MTA3: variants seen among roughly 807,000 people sequenced by gnomAD.
MTA3 encodes the protein metastasis-associated protein MTA3.
A neutral mutation model predicts 83.5 loss-of-function variants in MTA3; 34 were observed. That is an observed-to-expected ratio of 0.41 (90% CI 0.31 to 0.54). MTA3 has a LOEUF of 0.54. MTA3 is among the 20% of genes least tolerant of loss of function. The pLI is 0.33. For missense variants in MTA3, 761 were observed against 726.4 expected, an observed-to-expected ratio of 1.05 and a Z score of -0.55; for synonymous variants, 303 against 252.7, an observed-to-expected ratio of 1.20 and a Z score of -1.89.
At chr2:42,736,649 C>G (rs1214043396) in intron 16 of MTA3, among the ~76,000 whole-genome samples, 1 of 152,020 alleles carries the variant, frequency 6.6e-6, no homozygotes, top group Admixed American at 6.6e-5. Context: ...AGTTGTAAGA[C>G]AAAGTCTTCT....
chr2:42,611,842 T>A (rs1198432721), intron 4 of MTA3, among the ~76,000 whole-genome samples: 1 of 152,138 alleles, frequency 6.6e-6, no homozygotes, highest in Non-Finnish European at 1.5e-5. Context: ...GTGAGATAGA[T>A]AAATAGATAG....
intron 2 of MTA3, among the ~76,000 whole-genome samples, chr2:42,506,832 C>T (rs560056853): frequency 4.6e-5 from 7 of 152,006 alleles, no homozygotes; most frequent in Admixed American, 3.3e-4. Flanking sequence ...GTCTCAAACT[C>T]CTGACCTCAG....
At chr2:42,721,534 G>A (rs1667408225) in intron 15 of MTA3, among the ~76,000 whole-genome samples, 1 of 151,926 alleles carries the variant, frequency 6.6e-6, no homozygotes, top group African/African-American at 2.4e-5. Flanking sequence ...TCACCATGTT[G>A]CTCAGGCTGG....
chr2:42,746,572 G>A (rs543768918), intron 16 of MTA3, among the ~76,000 whole-genome samples: 2 of 152,168 alleles, frequency 1.3e-5, no homozygotes, highest in South Asian at 2.1e-4. Context: ...CCGACTTCCA[G>A]TGGCATTCAC....
rs1028680742 is a variant in MTA3 at position 42,629,390 on chromosome 2, C to CT, written c.318-10776dup. ...CACCGTGCCCAGCGGATAGAGCAGT[C>CT]TTTTTTTGTTTTCAGGACCACAGAA... On this transcript the variant is annotated intron_variant, in intron 4 of 16. Transcript: ENST00000405094. 4.1e-3 allele frequency among the ~76,000 whole-genome samples: 616 copies of CT among 152,082 alleles called. 2 individuals are homozygous for CT. Among genetic ancestry groups the CT allele is most frequent in the African/African-American group, 0.013 (549 of 41,486 alleles).
In MTA3 at chr2:42,754,687, C is replaced by G; in HGVS notation, c.*1288C>G. ...CTGGAGTCTGATCTCCCAGCCATCT[C>G]TGGGGTTACTAGGAGGCAGCTGGAT... On this transcript the variant is annotated 3_prime_UTR_variant, in exon 17 of 17. Coordinates refer to ENST00000405094, the MANE Select transcript of MTA3 (RefSeq NM_001330442.2). 1.0e-6 allele frequency: 1 copy of G among 985,522 alleles called. No homozygotes were observed. Among genetic ancestry groups the G allele is most frequent in the South Asian group, 4.7e-5 (1 of 21,284 alleles). 61.0% of individuals were successfully genotyped at this position (985,522 alleles called of 1,614,324 possible). A position where few individuals can be genotyped will look rare whatever the true frequency, so the allele number is the denominator to read the frequency against.
chr2:42,526,200 CTTATAGCTGG>C (rs776771249), intron 2 of MTA3, among the ~76,000 whole-genome samples: 11 of 152,002 alleles, frequency 7.2e-5, no homozygotes, highest in Non-Finnish European at 7.4e-5. Flanking sequence ...GCTGCCTTCC[CTTATAGCTGG>C]TTGTTTGCCC....
At chr2:42,709,406 G>A (rs1452622741) in intron 14 of MTA3, 2 of 829,336 alleles carry the variant, frequency 2.4e-6, no homozygotes, top group Admixed American at 8.9e-5. Flanking sequence ...AGCCCTTATT[G>A]AAGCACTTTT....
intron 4 of MTA3, among the ~76,000 whole-genome samples, chr2:42,637,055 G>T (rs984181244): frequency 2.6e-5 from 4 of 152,206 alleles, no homozygotes; most frequent in African/African-American, 9.6e-5. Flanking sequence ...CAGATTCCAG[G>T]CTGATCAGCG....
intron 2 of MTA3, among the ~76,000 whole-genome samples, chr2:42,562,663 C>A (rs868171466): frequency 1.3e-5 from 2 of 152,312 alleles, no homozygotes; most frequent in Middle Eastern, 3.4e-3. Context: ...AAACCTGTTT[C>A]CACCCAACCT....
intron 14 of MTA3, among the ~76,000 whole-genome samples, chr2:42,713,795 G>A (rs1573729246): frequency 6.6e-6 from 1 of 151,974 alleles, no homozygotes; most frequent in Admixed American, 6.6e-5. Context: ...CTATTTTGTT[G>A]TACCATAACT....
intron 6 of MTA3, among the ~76,000 whole-genome samples, chr2:42,651,348 T>C (rs1314805517): frequency 6.6e-6 from 1 of 152,210 alleles, no homozygotes; most frequent in Non-Finnish European, 1.5e-5. Context: ...AAAATTATCT[T>C]CAGTAATAAA....
intron 14 of MTA3, among the ~76,000 whole-genome samples, chr2:42,713,166 A>G (rs1192449194): frequency 1.3e-5 from 2 of 152,216 alleles, no homozygotes; most frequent in Non-Finnish European, 2.9e-5. Context: ...GAGAGAGTGA[A>G]GTGGTTTGGG....
chr2:42,650,008 TGAGA>T (rs1195674624), intron 6 of MTA3, among the ~76,000 whole-genome samples: 2 of 152,212 alleles, frequency 1.3e-5, no homozygotes, highest in African/African-American at 4.8e-5. Flanking sequence ...TCCTAGGTTT[TGAGA>T]GTTTTATCCT....
intron 4 of MTA3, among the ~76,000 whole-genome samples, chr2:42,629,532 C>CAAAGAAG: frequency 6.6e-6 from 1 of 152,134 alleles, no homozygotes; most frequent in South Asian, 2.1e-4. Context: ...CAGGTTGCAG[C>CAAAGAAG]AAAGAAGGAG....
intron 3 of MTA3, among the ~76,000 whole-genome samples, chr2:42,608,878 A>G (rs6716848): frequency 0.77 from 116,301 of 151,942 alleles, 45,049 homozygotes; most frequent in South Asian, 0.88. Flanking sequence ...AGCAAACTCT[A>G]TCTCCGAAAA....
intron 8 of MTA3, among the ~76,000 whole-genome samples, chr2:42,666,708 C>T (rs1389530121): frequency 2.6e-5 from 4 of 152,178 alleles, no homozygotes; most frequent in African/African-American, 9.7e-5. Context: ...CCTTCCCATT[C>T]CCTGCATACC....
At position 42,618,777 on chromosome 2, in the gene MTA3, A is replaced by G. The variant is rs543006653; in HGVS notation, c.317+9193A>G. Among the ~76,000 whole-genome samples the G allele has an allele frequency of 2.6e-5, 4 of 152,076 alleles. No homozygotes were observed. In the East Asian group the frequency reaches 5.8e-4, roughly 22 times the overall value. ...CATGTACCACTATGCCTGGCTTATT[A>G]AAATAATTTTTTTGGTAGAGTTCGG... On this transcript the variant is annotated intron_variant, in intron 4 of 16. Coordinates refer to ENST00000405094, the MANE Select transcript of MTA3 (RefSeq NM_001330442.2).
intron 6 of MTA3, among the ~76,000 whole-genome samples, chr2:42,645,236 C>G (rs901745796): frequency 2.2e-5 from 3 of 138,994 alleles, no homozygotes; most frequent in Admixed American, 2.1e-4. Flanking sequence ...TAAAAAAAAG[C>G]AAAACAGGCT....
Sources: allele counts gnomAD v4.1 joint callset (sites outside exome capture counted in the v4.1 genomes callset), GRCh38; gene constraint gnomAD v4.1.1; transcripts MANE v1.5; gene names NCBI Gene and HGNC (gene_info 2026-07-23, HGNC 2026-07-21).